SCEL: variants seen among roughly 807,000 people sequenced by gnomAD.
The protein encoded by SCEL is sciellin.
Under a neutral mutation model 117.6 loss-of-function variants are expected in SCEL, and 113 were observed. The observed-to-expected ratio is 0.96, with a 90% CI of 0.83 to 1.12. The LOEUF is 1.12. SCEL is among the 50% of genes most tolerant of loss of function. The pLI, the probability that SCEL is intolerant of heterozygous loss-of-function variation, is 0.00. For synonymous variants in SCEL, 270 were observed against 256.2 expected (o/e 1.05, Z -0.51); for missense variants, 785 against 810.8 (o/e 0.97, Z 0.39).
chr13:77,537,612 A>T (rs895694688), intron 1 of SCEL, among the ~76,000 whole-genome samples: 3 of 152,082 alleles, frequency 2.0e-5, no homozygotes, highest in African/African-American at 7.2e-5. Flanking sequence ...CTCAGCAGGG[A>T]GGGGATCTGA....
At chr13:77,600,007 G>A in intron 15 of SCEL, 1 of 427,018 alleles carries the variant, frequency 2.3e-6, no homozygotes, top group Non-Finnish European at 4.2e-6. Context: ...TGATCTCCCA[G>A]TTCCCCTTCA....
Position 77,602,652 on chromosome 13 carries a change from A to G in SCEL, c.978-2A>G. 6.2e-7 allele frequency: 1 copy of G among 1,613,600 alleles called. No homozygotes were observed. Among genetic ancestry groups the G allele is most frequent in the Non-Finnish European group, 8.5e-7 (1 of 1,179,672 alleles). ...TGACAAGTTTTGGTGTTTTTTCCAA[A>G]GAAGACAAAATCTCGAATCTGTTGC... is the stretch of plus-strand genomic sequence containing the variant. On this transcript the variant is annotated splice_acceptor_variant, in intron 16 of 32. Coordinates refer to ENST00000349847, the MANE Select transcript of SCEL (RefSeq NM_144777.3). LOFTEE classifies it high-confidence loss of function.
chr13:77,604,535 T>G (rs2087977198), intron 19 of SCEL, 120 bp downstream of exon 19: 5 of 712,808 alleles, frequency 7.0e-6, no homozygotes, highest in African/African-American at 5.6e-5. Flanking sequence ...TGAGCTCTTT[T>G]TTCTCTAAAC....
At chr13:77,573,645 CT>C (rs2085770904) in intron 9 of SCEL, among the ~76,000 whole-genome samples, 1 of 131,786 alleles carries the variant, frequency 7.6e-6, no homozygotes, top group African/African-American at 3.1e-5. Context: ...TTACATCTAT[CT>C]ATCTATCTAT....
chr13:77,585,526 G>T (rs148367720), intron 9 of SCEL, among the ~76,000 whole-genome samples: 97 of 152,102 alleles, frequency 6.4e-4, no homozygotes, highest in African/African-American at 2.3e-3. Context: ...AAGCATGTGC[G>T]CGCTCTTCTG....
chr13:77,623,231 T>G (rs2089521688), intron 27 of SCEL: 2 of 152,254 alleles, frequency 1.3e-5, no homozygotes, highest in South Asian at 2.1e-4. Context: ...AGTCTGTGCT[T>G]CTTTTACTGG....
chr13:77,575,529 T>G (rs975386624), intron 9 of SCEL, among the ~76,000 whole-genome samples: 1 of 152,210 alleles, frequency 6.6e-6, no homozygotes, highest in African/African-American at 2.4e-5. Context: ...TTATGTATGA[T>G]ATACATTAGT....
At chr13:77,589,245 A>G in intron 10 of SCEL, 21 bp downstream of exon 10, 3 of 1,547,818 alleles carry the variant, frequency 1.9e-6, no homozygotes, top group Non-Finnish European at 2.7e-6. Flanking sequence ...GTACTCCAGA[A>G]TTTCTTGACA....
At chr13:77,592,145 T>G (rs1016751922) in intron 11 of SCEL, among the ~76,000 whole-genome samples, 1 of 152,210 alleles carries the variant, frequency 6.6e-6, no homozygotes, top group African/African-American at 2.4e-5. Flanking sequence ...ACTTTGAAGT[T>G]TAAAACTTAT....
chr13:77,604,174 A>G, intron 18 of SCEL, 182 bp from the exon 19 acceptor site: 1 of 427,496 alleles, frequency 2.3e-6, no homozygotes, highest in Non-Finnish European at 4.1e-6. Context: ...CAAATAAGCA[A>G]CATTAAATGG....
intron 1 of SCEL, among the ~76,000 whole-genome samples, chr13:77,547,797 G>A (rs1309861461): frequency 1.3e-5 from 2 of 152,192 alleles, no homozygotes; most frequent in East Asian, 3.8e-4. Flanking sequence ...AGTGAAATAA[G>A]ACATTTGAAC....
chr13:77,586,403 A>G (rs1001295169), intron 9 of SCEL, among the ~76,000 whole-genome samples: 1 of 152,010 alleles, frequency 6.6e-6, no homozygotes, highest in Non-Finnish European at 1.5e-5. Context: ...GATTCCAGGA[A>G]TTCCTCAGCC....
intron 22 of SCEL, among the ~76,000 whole-genome samples, chr13:77,612,131 A>C (rs1163647408): frequency 6.6e-6 from 1 of 152,164 alleles, no homozygotes. Context: ...AAGTCTTTCC[A>C]ATTATTTTCT....
intron 5 of SCEL, among the ~76,000 whole-genome samples, chr13:77,565,729 G>A (rs976987946): frequency 2.0e-5 from 3 of 152,178 alleles, no homozygotes; most frequent in African/African-American, 7.2e-5. Flanking sequence ...GTTTACGTTT[G>A]AAAAGTTCCC....
chr13:77,643,461 T>C (rs2090656337), intron 32 of SCEL, among the ~76,000 whole-genome samples: 1 of 152,174 alleles, frequency 6.6e-6, no homozygotes, highest in Admixed American at 6.6e-5. Context: ...CCTGTGAAAC[T>C]TGACTGGTTT....
At chr13:77,617,779 C>T (rs1267322218) in intron 25 of SCEL, 24 bp from the exon 26 acceptor site, 1 of 1,586,172 alleles carries the variant, frequency 6.3e-7, no homozygotes, top group African/African-American at 1.4e-5. Flanking sequence ...TTAACCTGCT[C>T]TCATTTTATT....
intron 1 of SCEL, among the ~76,000 whole-genome samples, chr13:77,543,515 G>A (rs988705328): frequency 9.2e-5 from 14 of 152,088 alleles, no homozygotes; most frequent in Non-Finnish European, 1.6e-4. Flanking sequence ...AAGATTTTGG[G>A]GTAGTTAAAA....
In SCEL at chr13:77,555,920, T is replaced by C. The variant is rs2084629152; in HGVS notation, c.43+2T>C. On this transcript the variant is annotated splice_donor_variant, in intron 2 of 32. Transcript: ENST00000349847. LOFTEE classifies it high-confidence loss of function. The stretch of plus-strand genomic sequence containing the variant: ...GAAAAATGTCTCCCACAGGAAATGG[T>C]AATGTACATGATGTTTCTCTCACTC... The C allele has an allele frequency of 1.9e-6, 3 of 1,612,710 alleles. No individual in the cohort carries two copies. The highest frequency in any genetic ancestry group is 1.7e-4 in the Middle Eastern group (1 of 6,056).
intron 1 of SCEL, among the ~76,000 whole-genome samples, chr13:77,545,022 C>A (rs1211677017): frequency 6.6e-6 from 1 of 152,168 alleles, no homozygotes; most frequent in African/African-American, 2.4e-5. Flanking sequence ...GATTTTACAT[C>A]ATAATTTTCA....
Sources: allele counts gnomAD v4.1 joint callset (sites outside exome capture counted in the v4.1 genomes callset), GRCh38; gene constraint gnomAD v4.1.1; transcripts MANE v1.5; gene names NCBI Gene and HGNC (gene_info 2026-07-23, HGNC 2026-07-21).